The following LAMA1 variants were observed in gnomAD, a reference collection of about 807,000 sequenced individuals.
LAMA1 encodes laminin subunit alpha-1.
LAMA1 carries 219 observed loss-of-function variants against 348.7 expected under a neutral mutation model. That is an observed-to-expected ratio of 0.63 (90% CI 0.56 to 0.70). The LOEUF (loss-of-function observed/expected upper bound fraction) is 0.70. Among genes scored for constraint, LAMA1 ranks in the 30% least tolerant of loss-of-function variants. The probability of loss-of-function intolerance (pLI) is 0.00; values close to 1 mark genes in which losing one functional copy is unlikely to be tolerated. For synonymous variants in LAMA1, 1,487 were observed against 1,491.0 expected (o/e 1.00, Z 0.06); for missense variants, 3,744 against 3,888.0 (o/e 0.96, Z 0.99).
chr18:6,963,101 C>G (rs1046834701), intron 51 of LAMA1, among the ~76,000 whole-genome samples: 3 of 151,942 alleles, frequency 2.0e-5, no homozygotes, highest in African/African-American at 7.3e-5. Flanking sequence ...AGCTATGGAC[C>G]ATTAAGCAAC....
At position 7,080,420 on chromosome 18, in the gene LAMA1, A is replaced by G. The variant is rs1403444652; in HGVS notation, c.99T>C (p.Ala33=). 1.2e-6 allele frequency: 2 copies of G among 1,614,132 alleles called. No homozygotes were observed. Among genetic ancestry groups the G allele is most frequent in the Non-Finnish European group, 1.7e-6 (2 of 1,180,062 alleles). ...FPAILNLASN[A]HISTNATCGE... ...CACAGGTGGCATTGGTGCTGATGTG[A>G]GCATTGCTGGCAAGATTGAGAATGG... Residue 33 remains alanine (A), a synonymous_variant, in exon 2 of 63, where the codon GCT becomes GCC. Transcript: ENST00000389658.
intron 3 of LAMA1, among the ~76,000 whole-genome samples, chr18:7,069,668 C>T (rs2058137998): frequency 6.6e-6 from 1 of 152,292 alleles, no homozygotes; most frequent in African/African-American, 2.4e-5. Flanking sequence ...AGTCGCCATG[C>T]TGTGAGGAAG....
chr18:7,054,445 T>C (rs1245593837), intron 3 of LAMA1, among the ~76,000 whole-genome samples: 1 of 152,118 alleles, frequency 6.6e-6, no homozygotes, highest in African/African-American at 2.4e-5. Flanking sequence ...TAAACTTAGA[T>C]TACTAACTCA....
At chr18:7,101,909 G>T (rs1044315754) in intron 1 of LAMA1, among the ~76,000 whole-genome samples, 24 of 151,320 alleles carry the variant, frequency 1.6e-4, no homozygotes, top group Non-Finnish European at 3.4e-4. Context: ...GAACTCCTGG[G>T]CTTAAGGGAT....
chr18:7,111,512 C>A (rs1188122440), intron 1 of LAMA1, among the ~76,000 whole-genome samples: 1 of 152,264 alleles, frequency 6.6e-6, no homozygotes, highest in East Asian at 1.9e-4. Flanking sequence ...CACTGTCACA[C>A]CCAGTATAAA....
intron 52 of LAMA1, 66 bp from the exon 53 acceptor site, chr18:6,961,825 G>A (rs540363787): frequency 6.3e-7 from 1 of 1,581,526 alleles, no homozygotes; most frequent in African/African-American, 1.3e-5. Flanking sequence ...CCGTGGGGAG[G>A]ACACTGCTGA....
intron 3 of LAMA1, among the ~76,000 whole-genome samples, chr18:7,061,920 G>A (rs1598301855): frequency 6.6e-6 from 1 of 152,266 alleles, no homozygotes; most frequent in Middle Eastern, 3.4e-3. Flanking sequence ...TGCCCTGGGG[G>A]AGAGAGTCAG....
At position 6,983,226 on chromosome 18, in the gene LAMA1, T is replaced by C; in HGVS notation, c.5669A>G (p.Glu1890Gly). The change falls in exon 40 of 63, where the codon GAA becomes GGA. Residue 1890 changes from glutamate to glycine, a missense_variant. Coordinates refer to ENST00000389658, the MANE Select transcript of LAMA1 (RefSeq NM_005559.4). ...RLADVLYSGL[E>G]NIRNVSLNAT... Reference sequence around the variant, plus strand: ...ATTCAGGGACACATTTCTGATGTTTTCAAGGCCACTATCAAAGCAGCATAT... The same window carrying C: ...ATTCAGGGACACATTTCTGATGTTTCCAAGGCCACTATCAAAGCAGCATAT... The C allele has an allele frequency of 6.2e-7, 1 of 1,614,222 alleles. No homozygotes were observed. The highest frequency in any genetic ancestry group is 1.1e-5 in the South Asian group (1 of 91,086).
At chr18:7,069,182 C>T (rs933545003) in intron 3 of LAMA1, among the ~76,000 whole-genome samples, 1 of 152,160 alleles carries the variant, frequency 6.6e-6, no homozygotes, top group Non-Finnish European at 1.5e-5. Flanking sequence ...CAATCCCCAC[C>T]GATAATATGT....
At chr18:6,958,410 A>G (rs1440813454) in intron 55 of LAMA1, 67 bp downstream of exon 55, 2 of 1,522,372 alleles carry the variant, frequency 1.3e-6, no homozygotes, top group African/African-American at 2.7e-5. Flanking sequence ...GAGATTTCAG[A>G]TTAGTGTTAG....
At chr18:7,084,880 T>C (rs1598311777) in intron 1 of LAMA1, among the ~76,000 whole-genome samples, 3 of 152,356 alleles carry the variant, frequency 2.0e-5, no homozygotes, top group Admixed American at 6.5e-5. Context: ...ATATCTTCCC[T>C]GTCTTAAAAC....
At chr18:6,969,553 G>A (rs2057648987) in intron 48 of LAMA1, among the ~76,000 whole-genome samples, 1 of 152,130 alleles carries the variant, frequency 6.6e-6, no homozygotes, top group South Asian at 2.1e-4. Flanking sequence ...CACCAAACTA[G>A]CATTCTTTAC....
At chr18:6,950,523 A>G (rs2057541652) in intron 58 of LAMA1, among the ~76,000 whole-genome samples, 1 of 152,154 alleles carries the variant, frequency 6.6e-6, no homozygotes, top group Non-Finnish European at 1.5e-5. Flanking sequence ...AGTCAAGAAC[A>G]TGTCTAGTAC....
intron 3 of LAMA1, among the ~76,000 whole-genome samples, chr18:7,067,297 AT>A (rs1248649590): frequency 1.3e-5 from 2 of 151,494 alleles, no homozygotes; most frequent in Non-Finnish European, 2.9e-5. Context: ...AAATGTTGCT[AT>A]ATCCATAAAG....
chr18:6,961,766 A>G lies in LAMA1; in HGVS notation c.7453-7T>C, dbSNP rs2057608948. 1 of 1,613,994 alleles carries G rather than the reference A, an allele frequency of 6.2e-7. No homozygotes were observed. The highest frequency in any genetic ancestry group is 8.5e-7 in the Non-Finnish European group (1 of 1,180,000). ...AGCTAACACTCCGGATGGGCTGGAC[A>G]CAGAGGAGATGGAACAGCATGGTGA... On this transcript the variant is annotated splice_polypyrimidine_tract_variant and splice_region_variant and intron_variant, in intron 52 of 62. Coordinates refer to ENST00000389658, the MANE Select transcript of LAMA1 (RefSeq NM_005559.4).
At chr18:6,946,025 G>C (rs546600874) in intron 61 of LAMA1, among the ~76,000 whole-genome samples, 76 of 152,010 alleles carry the variant, frequency 5.0e-4, no homozygotes, top group Non-Finnish European at 9.1e-4. Context: ...GGAGACTAAA[G>C]GACTAGTACT....
At chr18:7,056,392 G>T in intron 3 of LAMA1, among the ~76,000 whole-genome samples, 1 of 152,172 alleles carries the variant, frequency 6.6e-6, no homozygotes, top group East Asian at 1.9e-4. Context: ...CTTGAATATG[G>T]AAAGAACTAA....
intron 1 of LAMA1, among the ~76,000 whole-genome samples, chr18:7,095,023 TG>T (rs1315704070): frequency 6.6e-6 from 1 of 151,842 alleles, no homozygotes; most frequent in African/African-American, 2.4e-5. Context: ...CTCTCCAAAT[TG>T]ATCTATAGAT....
intron 1 of LAMA1, among the ~76,000 whole-genome samples, chr18:7,081,867 T>C (rs1215684319): frequency 6.6e-6 from 1 of 152,192 alleles, no homozygotes; most frequent in Non-Finnish European, 1.5e-5. Context: ...GTAAAAACCA[T>C]ATAGAAATAC....
Sources: allele counts gnomAD v4.1 joint callset (sites outside exome capture counted in the v4.1 genomes callset), GRCh38; gene constraint gnomAD v4.1.1; transcripts MANE v1.5; gene names NCBI Gene and HGNC (gene_info 2026-07-23, HGNC 2026-07-21).